The following NRG3 variants were observed in gnomAD, a reference collection of about 807,000 sequenced individuals.
NRG3 encodes pro-neuregulin-3, membrane-bound isoform.
A neutral mutation model predicts 66.9 loss-of-function variants in NRG3; 31 were observed. The ratio of observed to expected loss-of-function variants is 0.46; its 90% CI spans 0.35 to 0.63. The LOEUF is 0.63. Among genes scored for constraint, NRG3 ranks in the 20% least tolerant of loss-of-function variants. The pLI is 0.00. For missense variants in NRG3, 910 were observed against 878.9 expected (o/e 1.04, Z -0.45); for synonymous variants, 393 against 359.4 (o/e 1.09, Z -1.06).
intron 1 of NRG3, among the ~76,000 whole-genome samples, chr10:82,202,402 TG>T (rs2074882849): frequency 6.6e-6 from 1 of 152,160 alleles, no homozygotes; most frequent in African/African-American, 2.4e-5. Context: ...GGTTTTTCCC[TG>T]AAGTATTTGG....
intron 1 of NRG3, among the ~76,000 whole-genome samples, chr10:81,996,278 A>G (rs1195125570): frequency 6.6e-6 from 1 of 152,186 alleles, no homozygotes; most frequent in African/African-American, 2.4e-5. Context: ...TGCACTGTGC[A>G]TGTCTGAAGT....
intron 1 of NRG3, among the ~76,000 whole-genome samples, chr10:82,304,219 A>T (rs1446791654): frequency 1.3e-5 from 2 of 152,176 alleles, no homozygotes; most frequent in Admixed American, 6.5e-5. Flanking sequence ...ATCGCTGTGC[A>T]ATTTAAACTT....
At chr10:82,590,587 G>T (rs2046927016) in intron 2 of NRG3, among the ~76,000 whole-genome samples, 1 of 152,118 alleles carries the variant, frequency 6.6e-6, no homozygotes, top group South Asian at 2.1e-4. Context: ...CAGACCTACT[G>T]AACCAGTTTA....
chr10:82,718,929 C>A (rs1352903682), intron 2 of NRG3, among the ~76,000 whole-genome samples: 1 of 151,988 alleles, frequency 6.6e-6, no homozygotes, highest in Non-Finnish European at 1.5e-5. Context: ...GTAATAAATC[C>A]CCCAGAAACC....
chr10:82,150,432 A>T (rs1030323142), intron 1 of NRG3, among the ~76,000 whole-genome samples: 3 of 140,884 alleles, frequency 2.1e-5, no homozygotes, highest in African/African-American at 8.1e-5. Flanking sequence ...CCCAATCCCC[A>T]CCTCCAGTCT....
chr10:81,992,106 C>T (rs904886316), intron 1 of NRG3, among the ~76,000 whole-genome samples: 2 of 151,890 alleles, frequency 1.3e-5, no homozygotes, highest in Admixed American at 6.6e-5. Flanking sequence ...TTAATATAAG[C>T]AAAAACTGTC....
At chr10:82,682,947 T>C (rs865851754) in intron 2 of NRG3, among the ~76,000 whole-genome samples, 117 of 2,136 alleles carry the variant, frequency 0.055, 1 homozygote, top group African/African-American at 0.19. Context: ...CATGTCTTAA[T>C]TTTTTTTTTT....
chr10:82,707,964 G>A (rs191370121), intron 2 of NRG3, among the ~76,000 whole-genome samples: 12 of 151,588 alleles, frequency 7.9e-5, no homozygotes, highest in Admixed American at 5.9e-4. Context: ...AGAGGTTACA[G>A]TGAGCCAGGA....
chr10:82,773,836 G>A (rs1043441991), intron 3 of NRG3, among the ~76,000 whole-genome samples: 18 of 152,232 alleles, frequency 1.2e-4, no homozygotes, highest in African/African-American at 3.9e-4. Flanking sequence ...TGTTAGCTGT[G>A]AGATTTTCAT....
At chr10:82,958,430 T>A (rs1850285964) in intron 5 of NRG3, among the ~76,000 whole-genome samples, 1 of 152,240 alleles carries the variant, frequency 6.6e-6, no homozygotes, top group African/African-American at 2.4e-5. Context: ...ATTTTTAATA[T>A]CTGGGCTCTT....
intron 2 of NRG3, among the ~76,000 whole-genome samples, chr10:82,461,106 A>C (rs563172543): frequency 6.6e-6 from 1 of 151,490 alleles, no homozygotes; most frequent in South Asian, 2.1e-4. Flanking sequence ...ACCACCATCA[A>C]AATCATCACC....
chr10:82,805,675 T>C (rs189143542), intron 3 of NRG3, among the ~76,000 whole-genome samples: 2 of 152,186 alleles, frequency 1.3e-5, no homozygotes, highest in Non-Finnish European at 2.9e-5. Flanking sequence ...TATTAGAGCA[T>C]GAAAGAGGTG....
chr10:82,011,438 C>T (rs916159941), intron 1 of NRG3, among the ~76,000 whole-genome samples: 3 of 152,118 alleles, frequency 2.0e-5, no homozygotes, highest in Admixed American at 1.3e-4. Context: ...ATTCCACCCC[C>T]GGCCCCTCTC....
intron 2 of NRG3, among the ~76,000 whole-genome samples, chr10:82,426,262 TC>T: frequency 6.6e-6 from 1 of 152,136 alleles, no homozygotes; most frequent in African/African-American, 2.4e-5. Flanking sequence ...GTGTGAGGGC[TC>T]CCGCTAAAGC....
chr10:82,371,138 G>A (rs1388703933), intron 2 of NRG3, among the ~76,000 whole-genome samples: 1 of 152,044 alleles, frequency 6.6e-6, no homozygotes, highest in East Asian at 1.9e-4. Context: ...GGAACACAAT[G>A]GGCAGATTCT....
At chr10:82,150,358 T>A (rs1179969578) in intron 1 of NRG3, among the ~76,000 whole-genome samples, 4 of 146,328 alleles carry the variant, frequency 2.7e-5, no homozygotes, top group Non-Finnish European at 5.9e-5. Flanking sequence ...AGCCCACCCC[T>A]TTGGTGGCTA....
intron 2 of NRG3, among the ~76,000 whole-genome samples, chr10:82,602,282 A>C (rs924885246): frequency 2.0e-5 from 3 of 152,030 alleles, no homozygotes; most frequent in Admixed American, 6.6e-5. Context: ...CTATGCCTGC[A>C]TTCTTGATAT....
intron 1 of NRG3, among the ~76,000 whole-genome samples, chr10:81,980,715 G>A (rs905869055): frequency 3.3e-5 from 5 of 152,048 alleles, no homozygotes; most frequent in African/African-American, 1.2e-4. Flanking sequence ...TTTAAATAAC[G>A]GAAATTTCTT....
intron 1 of NRG3, among the ~76,000 whole-genome samples, chr10:81,907,960 T>C (rs1304119150): frequency 6.6e-6 from 1 of 152,206 alleles, no homozygotes; most frequent in Non-Finnish European, 1.5e-5. Context: ...TGCCTAATTG[T>C]GTTTATTGCT....
Sources: gnomAD v4.1 joint callset for allele counts (sites outside exome capture counted in the v4.1 genomes callset) on GRCh38, gnomAD v4.1.1 for gene constraint, MANE v1.5 for transcripts, NCBI Gene and HGNC (gene_info 2026-07-23, HGNC 2026-07-21) for gene names.